POLGARF: variants seen among roughly 807,000 people sequenced by gnomAD.
The protein encoded by POLGARF is POLG alternative reading frame.
chr15:89,332,955 G>C, the POLGARF span: 3 of 1,095,418 alleles, frequency 2.7e-6, no homozygotes, highest in East Asian at 8.4e-5. Flanking sequence ...ACATAAACAG[G>C]GGTCTAGTCC....
the POLGARF span, among the ~76,000 whole-genome samples, chr15:89,331,851 G>A: frequency 6.6e-6 from 1 of 150,408 alleles, no homozygotes; most frequent in Non-Finnish European, 1.5e-5. Context: ...TCTGCCATCA[G>A]GTCAACTAAG....
the POLGARF span, chr15:89,333,578 C>G: frequency 6.2e-7 from 1 of 1,609,618 alleles, no homozygotes; most frequent in East Asian, 2.2e-5. Context: ...ATAGCACTTG[C>G]GGCTGCTGAG....
the POLGARF span, chr15:89,333,432 T>A: frequency 6.2e-7 from 1 of 1,609,082 alleles, no homozygotes; most frequent in Non-Finnish European, 8.5e-7. Context: ...CCCGTGCTTC[T>A]GCAGGTGCTC....
chr15:89,330,731 CAA>C, the POLGARF span, among the ~76,000 whole-genome samples: 4 of 117,904 alleles, frequency 3.4e-5, no homozygotes, highest in Admixed American at 1.7e-4. Context: ...ATTGAATTGG[CAA>C]AAAAAAAAAA....
At chr15:89,332,817 T>A in the POLGARF span, among the ~76,000 whole-genome samples, 1 of 152,134 alleles carries the variant, frequency 6.6e-6, no homozygotes, top group East Asian at 1.9e-4. Context: ...ATCACCGTGA[T>A]CTTAAGTGGC....
At chr15:89,333,556 C>T in the POLGARF span, 31 of 1,611,090 alleles carry the variant, frequency 1.9e-5, no homozygotes, top group Non-Finnish European at 2.6e-5. Context: ...CGCAGCTGCC[C>T]GCCCTCCGAG....
chr15:89,333,505 G>A, the POLGARF span: 1 of 1,612,780 alleles, frequency 6.2e-7, no homozygotes, highest in Non-Finnish European at 8.5e-7. Flanking sequence ...ATTTGCTCGT[G>A]CAGCCCTCTC....
At chr15:89,332,469 AAG>A in the POLGARF span, 1 of 152,158 alleles carries the variant, frequency 6.6e-6, no homozygotes, top group Non-Finnish European at 1.5e-5. Context: ...TTAAAAAGAA[AAG>A]AGAGATTGGA....
At chr15:89,333,594 T>G in the POLGARF span, 8 of 1,605,548 alleles carry the variant, frequency 5.0e-6, no homozygotes, top group Non-Finnish European at 6.8e-6. Flanking sequence ...CTGAGGCTGC[T>G]GTTGCTGCTG....
the POLGARF span, chr15:89,333,335 G>A: frequency 6.4e-7 from 1 of 1,562,078 alleles, no homozygotes; most frequent in East Asian, 2.4e-5. Flanking sequence ...GGGCCAGGAG[G>A]CGGAAGTGCT....
the POLGARF span, among the ~76,000 whole-genome samples, chr15:89,332,727 C>A: frequency 6.6e-6 from 1 of 152,244 alleles, no homozygotes; most frequent in East Asian, 1.9e-4. Context: ...ATTAATAGCT[C>A]CCCAAATAGA....
the POLGARF span, chr15:89,333,771 C>G: frequency 6.5e-7 from 1 of 1,534,994 alleles, no homozygotes; most frequent in African/African-American, 1.4e-5. Flanking sequence ...TGCAGGGACC[C>G]CCACGCTGGG....
the POLGARF span, chr15:89,333,586 G>GT: frequency 6.2e-7 from 1 of 1,608,788 alleles, no homozygotes; most frequent in Non-Finnish European, 8.5e-7. Flanking sequence ...TGCGGCTGCT[G>GT]AGGCTGCTGT....
chr15:89,330,565 C>T, the POLGARF span, among the ~76,000 whole-genome samples: 1 of 152,148 alleles, frequency 6.6e-6, no homozygotes, highest in Non-Finnish European at 1.5e-5. Context: ...CCTGGGCTAT[C>T]AAGGTGTTTG....
chr15:89,332,748 A>T, the POLGARF span, among the ~76,000 whole-genome samples: 1 of 152,212 alleles, frequency 6.6e-6, no homozygotes, highest in Non-Finnish European at 1.5e-5. Context: ...AACACTGTTC[A>T]AATGACTTTT....
chr15:89,331,610 A>G, the POLGARF span, among the ~76,000 whole-genome samples: 6 of 152,214 alleles, frequency 3.9e-5, no homozygotes, highest in African/African-American at 1.4e-4. Context: ...GCCCTTACCA[A>G]CACCCTTTGG....
chr15:89,330,958 T>G, the POLGARF span, among the ~76,000 whole-genome samples: 1 of 152,068 alleles, frequency 6.6e-6, no homozygotes, highest in Admixed American at 6.6e-5. Context: ...CGACACTGAT[T>G]CAGGAAAAGG....
the POLGARF span, among the ~76,000 whole-genome samples, chr15:89,331,120 G>A: frequency 6.8e-6 from 1 of 146,566 alleles, no homozygotes; most frequent in African/African-American, 2.6e-5. Context: ...AGCTGCGAAG[G>A]AGCTCCTTGC....
chr15:89,333,596 TTGCTGC>T, the POLGARF span: 7,247 of 1,597,982 alleles, frequency 4.5e-3, 23 homozygotes, highest in Admixed American at 5.4e-3. Context: ...GAGGCTGCTG[TTGCTGC>T]TGCTGCTGCT....
Sources: allele counts gnomAD v4.1 joint callset (sites outside exome capture counted in the v4.1 genomes callset), GRCh38; gene constraint gnomAD v4.1.1; transcripts MANE v1.5; gene names NCBI Gene and HGNC (gene_info 2026-07-23, HGNC 2026-07-21).